NLGN1: variants seen among roughly 807,000 people sequenced by gnomAD.
NLGN1 encodes neuroligin-1.
In NLGN1, 12 loss-of-function variants were observed where a neutral mutation model predicts 65.5. That is an observed-to-expected ratio of 0.18 (90% CI 0.12 to 0.30). The LOEUF (loss-of-function observed/expected upper bound fraction) is 0.30. Among genes scored for constraint, NLGN1 ranks in the 10% least tolerant of loss-of-function variants. The pLI is 1.00. For missense variants in NLGN1, 750 were observed against 1,007.1 expected (o/e 0.74, Z 3.46); for synonymous variants, 350 against 359.5 (o/e 0.97, Z 0.30).
intron 2 of NLGN1, among the ~76,000 whole-genome samples, chr3:173,553,286 C>T (rs1285773047): frequency 6.6e-6 from 1 of 152,050 alleles, no homozygotes; most frequent in Non-Finnish European, 1.5e-5. Context: ...TAAGCCTGAT[C>T]CCAAGACCTA....
rs201256363 is a variant in NLGN1, at chr3:174,265,779, A to ATGTG, written c.647-9535_647-9534insGTGT. Reference sequence around the variant, plus strand: ...CTAAGAAGGCTATATATATATATATATATGTATATATATATATATATAGCC... The same window carrying ATGTG: ...CTAAGAAGGCTATATATATATATATATGTGTATGTATATATATATATATATAGCC... On this transcript the variant is annotated intron_variant, in intron 4 of 6. Transcript: ENST00000457714. 9.4e-5 allele frequency among the ~76,000 whole-genome samples: 12 copies of ATGTG among 127,248 alleles called. 1 individual carries two copies. The highest frequency in any genetic ancestry group is 8.0e-4 in the East Asian group (3 of 3,730). 83.5% of individuals were successfully genotyped at this position (127,248 alleles called of 152,430 possible). A position where few individuals can be genotyped will look rare whatever the true frequency, so the allele number is the denominator to read the frequency against.
chr3:173,466,782 GTAGACAACTT>G (rs1223074434), intron 2 of NLGN1, among the ~76,000 whole-genome samples: 5 of 152,104 alleles, frequency 3.3e-5, no homozygotes, highest in African/African-American at 1.2e-4. Context: ...CTCACAGATG[GTAGACAACTT>G]TAGAAATGCT....
chr3:174,149,086 G>C (rs1723863906), intron 4 of NLGN1, among the ~76,000 whole-genome samples: 6 of 152,080 alleles, frequency 3.9e-5, no homozygotes, highest in Non-Finnish European at 8.8e-5. Flanking sequence ...AGTTCTTAGT[G>C]GGTAGAAAAG....
chr3:173,844,803 T>C (rs751581393), intron 4 of NLGN1, among the ~76,000 whole-genome samples: 2 of 152,228 alleles, frequency 1.3e-5, no homozygotes, highest in African/African-American at 4.8e-5. Context: ...CAAATTTTAT[T>C]GAGCCTGTAG....
intron 4 of NLGN1, among the ~76,000 whole-genome samples, chr3:174,046,838 G>A (rs1162782506): frequency 6.6e-6 from 1 of 151,952 alleles, no homozygotes; most frequent in African/African-American, 2.4e-5. Flanking sequence ...ATTATATTTA[G>A]TGCTATGTCA....
At chr3:173,617,960 T>C (rs1463770238) in intron 3 of NLGN1, among the ~76,000 whole-genome samples, 3 of 152,156 alleles carry the variant, frequency 2.0e-5, no homozygotes, top group South Asian at 2.1e-4. Context: ...CCTCTGTAAA[T>C]AGGACTTCTT....
chr3:173,444,713 G>T, intron 2 of NLGN1, among the ~76,000 whole-genome samples: 1 of 151,736 alleles, frequency 6.6e-6, no homozygotes, highest in East Asian at 1.9e-4. Flanking sequence ...ACTATATATT[G>T]CAGTGTCTAT....
chr3:173,648,299 A>G (rs933158795), intron 3 of NLGN1, among the ~76,000 whole-genome samples: 2 of 152,228 alleles, frequency 1.3e-5, no homozygotes, highest in Non-Finnish European at 2.9e-5. Context: ...TCTAAACACA[A>G]TAATAAGAAA....
At chr3:174,097,870 A>C (rs991005130) in intron 4 of NLGN1, among the ~76,000 whole-genome samples, 8 of 152,188 alleles carry the variant, frequency 5.3e-5, no homozygotes, top group Admixed American at 5.2e-4. Flanking sequence ...CTAAGAAGGT[A>C]GTGATTCATT....
the NLGN1 span, among the ~76,000 whole-genome samples, chr3:174,293,439 G>T: frequency 9.3e-5 from 14 of 151,348 alleles, no homozygotes; most frequent in Middle Eastern, 3.4e-3. Context: ...GAAAGGACCC[G>T]CCAACTGCCC....
chr3:174,139,864 A>G (rs933691683), intron 4 of NLGN1, among the ~76,000 whole-genome samples: 19 of 152,294 alleles, frequency 1.2e-4, no homozygotes, highest in African/African-American at 4.3e-4. Context: ...TAATCTTTTC[A>G]TATGCTTACT....
intron 4 of NLGN1, among the ~76,000 whole-genome samples, chr3:173,916,474 A>C (rs1740756280): frequency 6.6e-6 from 1 of 152,140 alleles, no homozygotes; most frequent in Non-Finnish European, 1.5e-5. Context: ...CCTAATTATA[A>C]TATTTTATAT....
chr3:174,053,643 C>T (rs961890286), intron 4 of NLGN1, among the ~76,000 whole-genome samples: 1 of 151,898 alleles, frequency 6.6e-6, no homozygotes, highest in Admixed American at 6.6e-5. Context: ...ACAGTTGTGT[C>T]CCTTTTTGGC....
At chr3:174,284,593 T>C (rs944216069) in exon 7 of NLGN1, 5 of 151,336 alleles carry the variant, frequency 3.3e-5, no homozygotes, top group African/African-American at 1.2e-4. Context: ...TTTTACCAAA[T>C]GTTTACCAAG....
intron 4 of NLGN1, among the ~76,000 whole-genome samples, chr3:173,877,458 T>A (rs1342581735): frequency 6.6e-6 from 1 of 151,204 alleles, no homozygotes; most frequent in Non-Finnish European, 1.5e-5. Context: ...AAATGCAGGG[T>A]CCCAGATTAA....
intron 3 of NLGN1, among the ~76,000 whole-genome samples, chr3:173,652,557 A>G (rs1361551585): frequency 6.6e-6 from 1 of 152,016 alleles, no homozygotes; most frequent in Non-Finnish European, 1.5e-5. Context: ...TTGGCTATAG[A>G]TATGTAGCTT....
At chr3:173,619,365 G>A (rs1416162425) in intron 3 of NLGN1, among the ~76,000 whole-genome samples, 1 of 152,042 alleles carries the variant, frequency 6.6e-6, no homozygotes, top group East Asian at 1.9e-4. Flanking sequence ...TTGTTTTAAC[G>A]CACTTGTTCA....
intron 3 of NLGN1, among the ~76,000 whole-genome samples, chr3:173,804,985 C>A (rs966340026): frequency 6.6e-6 from 1 of 152,110 alleles, no homozygotes; most frequent in Non-Finnish European, 1.5e-5. Flanking sequence ...GAGATCACGC[C>A]ACTGCACTCC....
At chr3:173,666,285 C>T (rs1502488) in intron 3 of NLGN1, among the ~76,000 whole-genome samples, 20,190 of 151,966 alleles carry the variant, frequency 0.13, 1,646 homozygotes, top group South Asian at 0.22. Context: ...AAATATAAGC[C>T]TAAGTATCCT....
Sources: allele counts gnomAD v4.1 joint callset (sites outside exome capture counted in the v4.1 genomes callset), GRCh38; gene constraint gnomAD v4.1.1; transcripts MANE v1.5; gene names NCBI Gene and HGNC (gene_info 2026-07-23, HGNC 2026-07-21).